Variants in SPECC1L observed in about 807,000 individuals in gnomAD.
SPECC1L encodes cytospin-A.
SPECC1L carries 40 observed loss-of-function variants against 116.8 expected under a neutral mutation model. The ratio of observed to expected loss-of-function variants is 0.34; its 90% CI spans 0.27 to 0.45. SPECC1L has a LOEUF of 0.45. Among genes scored for constraint, SPECC1L ranks in the 20% least tolerant of loss-of-function variants. The pLI is 1.00. For synonymous variants in SPECC1L, 504 were observed against 500.6 expected (o/e 1.01, Z -0.09); for missense variants, 1,110 against 1,373.6 (o/e 0.81, Z 3.03).
rs569958059 is a variant in SPECC1L, at chr22:24,404,520, C to T, written c.3088-7068C>T. 8.9e-4 allele frequency among the ~76,000 whole-genome samples: 136 copies of T among 152,316 alleles called. 1 individual carries two copies. The highest frequency in any genetic ancestry group is 1.6e-3 in the Non-Finnish European group (109 of 68,028). Reference sequence around the variant, plus strand: ...CAAGGCCCATCCGGAGCACTGCATGCGCTCTCCCTCCTCATAGCCAGTCTG... The same window carrying T: ...CAAGGCCCATCCGGAGCACTGCATGTGCTCTCCCTCCTCATAGCCAGTCTG... On this transcript the variant is annotated intron_variant, in intron 14 of 16. Coordinates refer to ENST00000314328, the MANE Select transcript of SPECC1L (RefSeq NM_015330.6).
chr22:24,333,562 T>G (rs1224841253), intron 8 of SPECC1L, among the ~76,000 whole-genome samples: 2 of 151,974 alleles, frequency 1.3e-5, no homozygotes, highest in East Asian at 3.9e-4. Context: ...TCTAGGCTTT[T>G]TTTTTTTTTT....
chr22:24,403,618 C>T (rs1391942181), intron 14 of SPECC1L, among the ~76,000 whole-genome samples: 1 of 152,060 alleles, frequency 6.6e-6, no homozygotes, highest in Non-Finnish European at 1.5e-5. Flanking sequence ...GGCCCTCCAG[C>T]CCCTCCGCTC....
intron 11 of SPECC1L, among the ~76,000 whole-genome samples, chr22:24,360,499 G>C (rs2041621901): frequency 6.6e-6 from 1 of 152,170 alleles, no homozygotes; most frequent in Non-Finnish European, 1.5e-5. Context: ...TAACCATGCA[G>C]TAAGAAACAG....
intron 2 of SPECC1L, among the ~76,000 whole-genome samples, chr22:24,301,656 ATTGCT>A (rs1199086205): frequency 1.3e-5 from 2 of 152,198 alleles, no homozygotes; most frequent in African/African-American, 4.8e-5. Context: ...CTAAAGGTTT[ATTGCT>A]TTCACATCAT....
At chr22:24,412,325 T>G in intron 15 of SPECC1L, 3 of 423,532 alleles carry the variant, frequency 7.1e-6, no homozygotes, top group East Asian at 5.1e-5. Flanking sequence ...GGGAAGCTCA[T>G]TTGATGAGTG....
chr22:24,393,177 G>A (rs1282601462), intron 14 of SPECC1L, among the ~76,000 whole-genome samples: 2 of 152,256 alleles, frequency 1.3e-5, no homozygotes, highest in African/African-American at 4.8e-5. Flanking sequence ...AAATACTGCT[G>A]TGGTCATTTT....
rs568386408 is a variant in SPECC1L at position 24,359,406 on chromosome 22, G to T, written c.2744-3855G>T. Among the ~76,000 whole-genome samples, 7 of 152,146 alleles carry T rather than the reference G, an allele frequency of 4.6e-5. No homozygotes were observed. The South Asian group carries it at 1.2e-3, about 27-fold the overall frequency. ...ACATCTTTCCCTGGGTATCTCAAAG[G>T]GTTCTCAAATTAAATGTGTTCACGT... On this transcript the variant is annotated intron_variant, in intron 11 of 16. Coordinates refer to ENST00000314328, the MANE Select transcript of SPECC1L (RefSeq NM_015330.6).
chr22:24,399,885 T>C (rs1216853754), intron 14 of SPECC1L, among the ~76,000 whole-genome samples: 1 of 152,210 alleles, frequency 6.6e-6, no homozygotes, highest in East Asian at 1.9e-4. Context: ...TTAAGAAATA[T>C]ATCTATTTTT....
chr22:24,328,819 A>G (rs200981728), intron 6 of SPECC1L, 27 bp from the exon 7 acceptor site: 1 of 1,545,044 alleles, frequency 6.5e-7, no homozygotes, highest in African/African-American at 1.4e-5. Context: ...GTGAGAATAG[A>G]TATTTAAACT....
chr22:24,288,152 C>T (rs1015886816), intron 2 of SPECC1L, among the ~76,000 whole-genome samples: 6 of 152,170 alleles, frequency 3.9e-5, no homozygotes, highest in Non-Finnish European at 5.9e-5. Context: ...ACCTTTTTTA[C>T]GGAACGATTT....
chr22:24,385,039 G>A (rs2042134605), intron 14 of SPECC1L, among the ~76,000 whole-genome samples: 1 of 149,972 alleles, frequency 6.7e-6, no homozygotes, highest in African/African-American at 2.5e-5. Context: ...CTCCACCCTG[G>A]GGCACAAAGC....
chr22:24,379,365 G>A (rs1282609742), intron 14 of SPECC1L, among the ~76,000 whole-genome samples: 1 of 151,264 alleles, frequency 6.6e-6, no homozygotes, highest in Non-Finnish European at 1.5e-5. Context: ...GGACAACAGA[G>A]CAAGACCCTG....
intron 3 of SPECC1L, among the ~76,000 whole-genome samples, chr22:24,302,675 G>A (rs2049404897): frequency 6.6e-6 from 1 of 152,166 alleles, no homozygotes; most frequent in Admixed American, 6.5e-5. Context: ...GGGAGCTTGT[G>A]GAGGAAAGGG....
At chr22:24,274,630 G>A (rs1184864298) in intron 1 of SPECC1L, among the ~76,000 whole-genome samples, 1 of 152,182 alleles carries the variant, frequency 6.6e-6, no homozygotes, top group Non-Finnish European at 1.5e-5. Context: ...TGTTTTTCCT[G>A]ATCTTTTCCA....
chr22:24,334,817 C>T (rs1379195002), intron 9 of SPECC1L, among the ~76,000 whole-genome samples: 2 of 152,224 alleles, frequency 1.3e-5, no homozygotes, highest in African/African-American at 4.8e-5. Flanking sequence ...TTCTCACCCT[C>T]GGTGGATCAC....
intron 14 of SPECC1L, among the ~76,000 whole-genome samples, chr22:24,403,793 T>A (rs1047044136): frequency 6.6e-6 from 1 of 152,236 alleles, no homozygotes; most frequent in African/African-American, 2.4e-5. Flanking sequence ...TGTAACACTA[T>A]TATGGCTCAT....
intron 2 of SPECC1L, among the ~76,000 whole-genome samples, chr22:24,300,637 T>C (rs945922359): frequency 6.6e-6 from 1 of 152,224 alleles, no homozygotes; most frequent in Non-Finnish European, 1.5e-5. Flanking sequence ...CAGCATCTGC[T>C]GTTTCTTGAC....
chr22:24,326,829 AATT>A (rs781082086), intron 6 of SPECC1L, among the ~76,000 whole-genome samples: 1 of 152,160 alleles, frequency 6.6e-6, no homozygotes, highest in Non-Finnish European at 1.5e-5. Context: ...TGCCTACCAG[AATT>A]GCCCCTGCCG....
rs568558621 is a variant in SPECC1L, at chr22:24,320,680, C to T, written c.308-608C>T. Among the ~76,000 whole-genome samples, 8 of 152,272 alleles carry T rather than the reference C, an allele frequency of 5.3e-5. No homozygotes were observed. The South Asian group carries it at 1.5e-3, about 28-fold the overall frequency. On this transcript the variant is annotated intron_variant, in intron 4 of 16. Transcript: ENST00000314328. ...GTGAAGTGTTAATGTATTTGTATAA[C>T]CAAGTGCTAGGTATGTGTTAGCTAT... is the stretch of plus-strand genomic sequence containing the variant.
Sources: gnomAD v4.1 joint callset for allele counts (sites outside exome capture counted in the v4.1 genomes callset) on GRCh38, gnomAD v4.1.1 for gene constraint, MANE v1.5 for transcripts, NCBI Gene and HGNC (gene_info 2026-07-23, HGNC 2026-07-21) for gene names.